The following KIN variants were observed in gnomAD, a reference collection of about 807,000 sequenced individuals.
The protein encoded by KIN is Kin17 DNA and RNA binding protein, also known as DNA/RNA-binding protein KIN17.
In KIN, 47 loss-of-function variants were observed where a neutral mutation model predicts 63.0. The ratio of observed to expected loss-of-function variants is 0.75; its 90% CI spans 0.59 to 0.95. The LOEUF is 0.95. Among genes scored for constraint, KIN ranks in the 40% least tolerant of loss-of-function variants. KIN has a pLI of 0.00. For missense variants in KIN, 408 were observed against 460.9 expected (o/e 0.89, Z 1.05); for synonymous variants, 160 against 157.7 (o/e 1.01, Z -0.11).
chr10:7,783,565 T>G (rs1835940332), intron 1 of KIN, among the ~76,000 whole-genome samples: 1 of 152,198 alleles, frequency 6.6e-6, no homozygotes, highest in African/African-American at 2.4e-5. Context: ...ATTAGTGAAT[T>G]TTCACCACAG....
In KIN at chr10:7,751,893, G is replaced by T. The variant is rs1335272090; in HGVS notation, c.*4187C>A. Reference sequence around the variant, plus strand: ...TACTAAAAATACAAAAAATTAGCCGGGCGCGGTGGCGGGCGCCTGTAGTCC... The same window carrying T: ...TACTAAAAATACAAAAAATTAGCCGTGCGCGGTGGCGGGCGCCTGTAGTCC... On this transcript the variant is annotated 3_prime_UTR_variant, in exon 13 of 13. Coordinates refer to ENST00000379562, the MANE Select transcript of KIN (RefSeq NM_012311.4). The T allele has an allele frequency of 1.1e-3, 2 of 1,826 alleles. 1 individual carries two copies. Among genetic ancestry groups the T allele is most frequent in the South Asian group, 0.014 (2 of 148 alleles). 0.1% of individuals were successfully genotyped at this position (1,826 alleles called of 1,614,324 possible). A position where few individuals can be genotyped will look rare whatever the true frequency, so the allele number is the denominator to read the frequency against.
At chr10:7,777,460 G>A (rs1835802843) in intron 5 of KIN, among the ~76,000 whole-genome samples, 1 of 152,238 alleles carries the variant, frequency 6.6e-6, no homozygotes, top group South Asian at 2.1e-4. Context: ...ATTTGTAAAA[G>A]TTCAGTGAAC....
intron 7 of KIN, among the ~76,000 whole-genome samples, chr10:7,770,853 A>G (rs1310513933): frequency 1.3e-5 from 2 of 152,212 alleles, no homozygotes; most frequent in East Asian, 3.8e-4. Context: ...GTAGCCTTAG[A>G]TTGATGAACT....
intron 8 of KIN, among the ~76,000 whole-genome samples, chr10:7,768,949 G>A (rs763177946): frequency 5.9e-5 from 9 of 152,002 alleles, no homozygotes; most frequent in East Asian, 1.9e-4. Flanking sequence ...CCTGGGAAGC[G>A]GAGGTTGCAG....
intron 11 of KIN, among the ~76,000 whole-genome samples, chr10:7,760,222 A>G (rs1396175672): frequency 6.6e-6 from 1 of 152,188 alleles, no homozygotes; most frequent in African/African-American, 2.4e-5. Context: ...TTGTTAAAGG[A>G]ATATGTATGT....
Position 7,766,088 on chromosome 10 carries a change from T to C in KIN, c.814A>G (p.Lys272Glu). The C allele has an allele frequency of 6.2e-7, 1 of 1,610,516 alleles. No homozygotes were observed. The highest frequency in any genetic ancestry group is 8.5e-7 in the Non-Finnish European group (1 of 1,177,608). ...CAGTAGTCTGTTCGGGCAGTTCTTT[T>C]CTTTTCCTCTTCAATCTGTAGAACA... ...DEIMEIEEEK[K>E]RTARTDYWLQ... Residue 272 changes from lysine (K) to glutamate (E), a missense_variant, in exon 9 of 13, where the codon AAA (lysine) becomes GAA (glutamate). Lys to Glu is a moderately conservative substitution (Grantham distance 56, BLOSUM62 1). This residue lies in a region of KIN where 298 missense variants were observed against 296.0 expected (regional missense o/e 1.01). Transcript: ENST00000379562.
At chr10:7,774,705 A>G in intron 7 of KIN, 126 bp downstream of exon 7, 1 of 778,484 alleles carries the variant, frequency 1.3e-6, no homozygotes, top group South Asian at 1.7e-5. Flanking sequence ...CAACGCAACC[A>G]ATAAAAACCA....
intron 2 of KIN, 45 bp downstream of exon 2, chr10:7,783,036 A>C (rs748813744): frequency 1.0e-6 from 1 of 973,388 alleles, no homozygotes; most frequent in Non-Finnish European, 1.6e-6. Context: ...TTAAATGTTC[A>C]ACTGAATAAA....
At chr10:7,782,955 G>A (rs1835927753) in intron 2 of KIN, 126 bp downstream of exon 2, 2 of 431,690 alleles carry the variant, frequency 4.6e-6, no homozygotes, top group Non-Finnish European at 8.1e-6. Context: ...GATAAAAACT[G>A]AGCATAGAGA....
At position 7,754,595 on chromosome 10, in the gene KIN, T is replaced by C. The variant is rs945058235; in HGVS notation, c.*1485A>G. On this transcript the variant is annotated 3_prime_UTR_variant, in exon 13 of 13. Coordinates refer to ENST00000379562, the MANE Select transcript of KIN (RefSeq NM_012311.4). Reference sequence around the variant, plus strand: ...TTGCAGTGAGCCGAGATTGCACTACTGCAATCAGCCTGGGTGACAGAGTGA... The same window carrying C: ...TTGCAGTGAGCCGAGATTGCACTACCGCAATCAGCCTGGGTGACAGAGTGA... The C allele has an allele frequency of 6.8e-6, 1 of 147,376 alleles. No homozygotes were observed. The highest frequency in any genetic ancestry group is 1.5e-5 in the Non-Finnish European group (1 of 67,476). 9.1% of individuals were successfully genotyped at this position (147,376 alleles called of 1,614,324 possible).
chr10:7,763,249 C>CT (rs1236634974), intron 10 of KIN, among the ~76,000 whole-genome samples: 6 of 152,118 alleles, frequency 3.9e-5, no homozygotes, highest in Admixed American at 1.3e-4. Context: ...GAGCCAGACT[C>CT]TGTCTCAGAA....
chr10:7,762,295 C>T (rs1835450080), intron 11 of KIN, among the ~76,000 whole-genome samples, 162 bp downstream of exon 11: 1 of 151,026 alleles, frequency 6.6e-6, no homozygotes, highest in Non-Finnish European at 1.5e-5. Context: ...AGCCAGTAAA[C>T]TACGATGCCC....
At position 7,775,783 on chromosome 10, in the gene KIN, G is replaced by A. The variant is rs748432497; in HGVS notation, c.575C>T (p.Thr192Met). 12 of 1,550,092 alleles carry A rather than the reference G, an allele frequency of 7.7e-6. No individual in the cohort carries two copies. Among genetic ancestry groups the A allele is most frequent in the Middle Eastern group, 1.7e-4 (1 of 5,848 alleles). Residue 192 changes from threonine to methionine, a missense_variant, in exon 6 of 13, where the codon ACG (threonine) becomes ATG (methionine). Physicochemically the swap from Thr to Met is moderately conservative, Grantham distance 81. Coordinates refer to ENST00000379562, the MANE Select transcript of KIN (RefSeq NM_012311.4). ...EGKEQEVPTF[T>M]ELSRENDEEK... ...TTCATCATTTTCTCTGCTTAATTCCGTAAAAGTAGGGACCTCCTAAAAAAA... is the reference window on the plus strand; with the variant it reads ...TTCATCATTTTCTCTGCTTAATTCCATAAAAGTAGGGACCTCCTAAAAAAA...
At chr10:7,767,773 C>A (rs556246148) in intron 8 of KIN, among the ~76,000 whole-genome samples, 3 of 150,376 alleles carry the variant, frequency 2.0e-5, no homozygotes, top group African/African-American at 4.9e-5. Context: ...GCAGGAGAAT[C>A]ACTTGAACCT....
rs138658111 is a variant in KIN at position 7,787,823 on chromosome 10, G to T, written c.111C>A (p.Asp37Glu). 1 of 1,611,868 alleles carries T rather than the reference G, an allele frequency of 6.2e-7. No homozygotes were observed. Among genetic ancestry groups the T allele is most frequent in the East Asian group, 2.2e-5 (1 of 44,876 alleles). The part of the protein sequence containing the change: ...YCQMCQKQCR[D>E]ENGFKCHCMS... ...GGGCCACTCCGGGCCCACTCACCTC[G>T]TCCCGGCACTGCTTCTGGCACATCT... Residue 37 changes from aspartate to glutamate, a missense_variant, in exon 1 of 13, where the codon GAC (aspartate) becomes GAA (glutamate). By Grantham distance (45) the Asp-to-Glu change is conservative. Transcript: ENST00000379562.
intron 2 of KIN, among the ~76,000 whole-genome samples, chr10:7,780,547 AC>A (rs1178369465): frequency 6.6e-6 from 1 of 152,014 alleles, no homozygotes; most frequent in Non-Finnish European, 1.5e-5. Context: ...GGGGTCCACC[AC>A]CACGCCTGGC....
intron 1 of KIN, among the ~76,000 whole-genome samples, chr10:7,787,039 A>G (rs896750466): frequency 4.0e-5 from 6 of 151,724 alleles, no homozygotes; most frequent in African/African-American, 1.5e-4. Context: ...GCATTCAATC[A>G]ACCACCTCTT....
intron 1 of KIN, among the ~76,000 whole-genome samples, chr10:7,785,544 GC>G (rs1319857429): frequency 6.6e-6 from 1 of 152,140 alleles, no homozygotes; most frequent in Non-Finnish European, 1.5e-5. Context: ...TGTAATCCCA[GC>G]ACCTTGGGAG....
chr10:7,782,212 T>C (rs546380428), intron 2 of KIN, among the ~76,000 whole-genome samples: 25 of 152,210 alleles, frequency 1.6e-4, no homozygotes, highest in African/African-American at 6.0e-4. Context: ...GACCAAAATG[T>C]CTAGAAGTTT....
Sources: gnomAD v4.1 joint callset for allele counts (sites outside exome capture counted in the v4.1 genomes callset) on GRCh38, gnomAD v4.1.1 for gene constraint, gnomAD v4.1.1 regional missense constraint, MANE v1.5 for transcripts, NCBI Gene and HGNC (gene_info 2026-07-23, HGNC 2026-07-21) for gene names.